LIFR: variants seen among roughly 807,000 people sequenced by gnomAD.
LIFR encodes leukemia inhibitory factor receptor.
A neutral mutation model predicts 122.2 loss-of-function variants in LIFR; 84 were observed. The observed-to-expected ratio is 0.69, with a 90% CI of 0.58 to 0.82. The LOEUF (loss-of-function observed/expected upper bound fraction) is 0.82, where lower values mean the gene tolerates loss of function less well. Among genes scored for constraint, LIFR ranks in the 40% least tolerant of loss-of-function variants. LIFR has a pLI of 0.00. For synonymous variants in LIFR, 422 were observed against 434.7 expected, an observed-to-expected ratio of 0.97 and a Z score of 0.36; for missense variants, 1,294 against 1,311.6, an observed-to-expected ratio of 0.99 and a Z score of 0.21.
At chr5:38,603,818 T>C (rs1750270646) in intron 2 of LIFR, among the ~76,000 whole-genome samples, 1 of 152,184 alleles carries the variant, frequency 6.6e-6, no homozygotes, top group African/African-American at 2.4e-5. Context: ...GTCTTCAGGA[T>C]GTTTTCTTCT....
rs181976462 is a variant in LIFR at position 38,526,265 on chromosome 5, A to C, written c.397+890T>G. Reference sequence around the variant, plus strand: ...CTACGTGCTCCTGCTTCCTTAGGACATAAGAAGATAAGAGTATTCCCAGCT... The same window carrying C: ...CTACGTGCTCCTGCTTCCTTAGGACCTAAGAAGATAAGAGTATTCCCAGCT... On this transcript the variant is annotated intron_variant, in intron 4 of 19. Coordinates refer to ENST00000453190, the MANE Select transcript of LIFR (RefSeq NM_001127671.2). 2.6e-5 allele frequency among the ~76,000 whole-genome samples: 4 copies of C among 152,306 alleles called. No individual in the cohort carries two copies. In the South Asian group the frequency reaches 8.3e-4, roughly 32 times the overall value.
At chr5:38,542,213 T>C (rs1315534748) in intron 1 of LIFR, among the ~76,000 whole-genome samples, 2 of 152,212 alleles carry the variant, frequency 1.3e-5, no homozygotes, top group Non-Finnish European at 2.9e-5. Context: ...ACCTATTTCA[T>C]AGAAGAAGTA....
In LIFR at chr5:38,523,406, T is replaced by C. The variant is rs373390969; in HGVS notation, c.561+13A>G. On this transcript the variant is annotated intron_variant, in intron 5 of 19. Transcript: ENST00000453190. Reference sequence around the variant, plus strand: ...TTTAATGTCATAGGAAGAAAATCTATGTTCAAACTTACTAATTTTACGAGC... The same window carrying C: ...TTTAATGTCATAGGAAGAAAATCTACGTTCAAACTTACTAATTTTACGAGC... 3.7e-5 allele frequency: 59 copies of C among 1,601,038 alleles called. No homozygotes were observed. In the African/African-American group the frequency reaches 4.6e-4, roughly 12 times the overall value.
intron 1 of LIFR, among the ~76,000 whole-genome samples, chr5:38,563,510 G>A (rs751259401): frequency 6.6e-6 from 1 of 152,146 alleles, no homozygotes; most frequent in African/African-American, 2.4e-5. Context: ...AAGCTCAAAG[G>A]AGTAAAATAA....
chr5:38,537,066 T>C (rs1024140953), intron 1 of LIFR, among the ~76,000 whole-genome samples: 2 of 152,192 alleles, frequency 1.3e-5, no homozygotes, highest in African/African-American at 2.4e-5. Context: ...GTAATCTCCA[T>C]TGCAGTGTGG....
At chr5:38,583,212 C>T (rs555023622) in intron 1 of LIFR, among the ~76,000 whole-genome samples, 1 of 152,322 alleles carries the variant, frequency 6.6e-6, no homozygotes, top group Admixed American at 6.5e-5. Context: ...TATGGTACAA[C>T]TTATAACACT....
intron 1 of LIFR, among the ~76,000 whole-genome samples, chr5:38,581,718 A>G (rs1749588350): frequency 6.6e-6 from 1 of 152,228 alleles, no homozygotes; most frequent in African/African-American, 2.4e-5. Flanking sequence ...TTTGCTCATA[A>G]GTGACACAAA....
chr5:38,581,016 CTG>C (rs1749563884), intron 1 of LIFR, among the ~76,000 whole-genome samples: 1 of 152,188 alleles, frequency 6.6e-6, no homozygotes, highest in Non-Finnish European at 1.5e-5. Flanking sequence ...TTCAACCTCT[CTG>C]TGCCTCAGTT....
At chr5:38,500,755 G>C (rs1745131496) in intron 11 of LIFR, among the ~76,000 whole-genome samples, 1 of 152,224 alleles carries the variant, frequency 6.6e-6, no homozygotes, top group South Asian at 2.1e-4. Flanking sequence ...AAAAACTACA[G>C]TGGCTAGTCT....
chr5:38,494,549 A>T (rs1228277364), intron 13 of LIFR, among the ~76,000 whole-genome samples: 1 of 152,188 alleles, frequency 6.6e-6, no homozygotes, highest in Non-Finnish European at 1.5e-5. Flanking sequence ...ATCTTGGCCT[A>T]GGTAAGAAGT....
intron 9 of LIFR, 46 bp downstream of exon 9, chr5:38,505,859 C>T (rs745572868): frequency 7.6e-7 from 1 of 1,318,842 alleles, no homozygotes; most frequent in South Asian, 1.4e-5. Flanking sequence ...AAGCATTTCA[C>T]CACTTTTAAA....
At chr5:38,585,319 C>A (rs188557553) in intron 1 of LIFR, among the ~76,000 whole-genome samples, 1 of 152,098 alleles carries the variant, frequency 6.6e-6, no homozygotes, top group East Asian at 1.9e-4. Context: ...ATGTAAGAGA[C>A]CATGAGGAAC....
rs373965624 is a variant in LIFR at position 38,493,724 on chromosome 5, G to A, written c.1947C>T (p.Tyr649=). The change falls in exon 14 of 20, where the codon TAC becomes TAT. Residue 649 remains tyrosine (Y), a synonymous_variant. Transcript: ENST00000453190. ...CGTAGTCGCAAGTCATGTTGGGGTC[G>A]TAATGCCAGGTGAGGAGAATCCCCT... ...MGKGILLTWH[Y]DPNMTCDYVI... is the part of the protein sequence containing the mutation. 28 of 1,614,064 alleles carry A rather than the reference G, an allele frequency of 1.7e-5. No individual in the cohort carries two copies. The highest frequency in any genetic ancestry group is 6.7e-5 in the Admixed American group (4 of 60,018).
chr5:38,555,538 G>C (rs746016910), intron 1 of LIFR, among the ~76,000 whole-genome samples: 28 of 152,224 alleles, frequency 1.8e-4, no homozygotes, highest in Middle Eastern at 6.8e-3. Flanking sequence ...TCTGTTGAAA[G>C]AATGTATCTT....
intron 1 of LIFR, among the ~76,000 whole-genome samples, chr5:38,591,650 A>G (rs1749924508): frequency 6.6e-6 from 1 of 152,186 alleles, no homozygotes; most frequent in Non-Finnish European, 1.5e-5. Context: ...TTTAGCCACC[A>G]TGGTCAGGCC....
chr5:38,513,570 CAG>C (rs1188727216), intron 5 of LIFR, among the ~76,000 whole-genome samples: 1 of 152,194 alleles, frequency 6.6e-6, no homozygotes, highest in African/African-American at 2.4e-5. Flanking sequence ...ATTCCAAAAA[CAG>C]GGGGATTGCT....
chr5:38,482,074 C>A lies in LIFR; in HGVS notation c.2815G>T (p.Ala939Ser). 1 of 1,604,532 alleles carries A rather than the reference C, an allele frequency of 6.2e-7. No homozygotes were observed. The highest frequency in any genetic ancestry group is 1.1e-5 in the South Asian group (1 of 89,218). Residue 939 changes from alanine (A) to serine (S), a missense_variant, in exon 20 of 20, where the codon GCA becomes TCA. Physicochemically the swap from Ala to Ser is moderately conservative, Grantham distance 99. Transcript: ENST00000453190. Reference sequence around the variant, plus strand: ...ACAACCACATGGTTTTCAGGCTCTGCATCAGAGCGATCTTCAGGACGCTCA... The same window carrying A: ...ACAACCACATGGTTTTCAGGCTCTGAATCAGAGCGATCTTCAGGACGCTCA... ...VAERPEDRSD[A>S]EPENHVVVSY...
At position 38,481,569 on chromosome 5, in the gene LIFR, C is replaced by T. The variant is rs1743983406; in HGVS notation, c.*26G>A. ...TAGCAGTAAGAGCTTATTGAGATGG[C>T]TGACTGAAGTGACACGGTGACACTG... On this transcript the variant is annotated 3_prime_UTR_variant, in exon 20 of 20. Transcript: ENST00000453190. 1 of 1,613,480 alleles carries T rather than the reference C, an allele frequency of 6.2e-7. No homozygotes were observed. Among genetic ancestry groups the T allele is most frequent in the South Asian group, 1.1e-5 (1 of 91,026 alleles).
At chr5:38,545,303 A>C (rs1387502688) in intron 1 of LIFR, among the ~76,000 whole-genome samples, 1 of 152,074 alleles carries the variant, frequency 6.6e-6, no homozygotes, top group Non-Finnish European at 1.5e-5. Flanking sequence ...GTTACAAGAC[A>C]GAATGTACAT....
Sources: gnomAD v4.1 joint callset for allele counts (sites outside exome capture counted in the v4.1 genomes callset) on GRCh38, gnomAD v4.1.1 for gene constraint, MANE v1.5 for transcripts, NCBI Gene and HGNC (gene_info 2026-07-23, HGNC 2026-07-21) for gene names.